The following ABHD1 variants were observed in gnomAD, a reference collection of about 807,000 sequenced individuals.
ABHD1 encodes the protein abhydrolase domain containing 1, also known as protein ABHD1.
In ABHD1, 47 loss-of-function variants were observed where a neutral mutation model predicts 41.4. That is an observed-to-expected ratio of 1.13 (90% CI 0.90 to 1.45). The LOEUF is 1.45. Ranked by LOEUF, ABHD1 falls within the 40% of genes most tolerant of loss-of-function variation. ABHD1 has a pLI of 0.00. For missense variants in ABHD1, 550 were observed against 503.4 expected (o/e 1.09, Z -0.89); for synonymous variants, 205 against 203.7 (o/e 1.01, Z -0.05).
At chr2:27,127,470 C>A (rs1672010971) in intron 1 of ABHD1, among the ~76,000 whole-genome samples, 1 of 129,400 alleles carries the variant, frequency 7.7e-6, no homozygotes, top group African/African-American at 3.0e-5. Flanking sequence ...AGGAGAATGG[C>A]GTGAACCCGG....
intron 1 of ABHD1, 65 bp downstream of exon 1, chr2:27,124,127 C>A: frequency 6.9e-7 from 1 of 1,448,340 alleles, no homozygotes; most frequent in East Asian, 2.3e-5. Context: ...CAGACACGGG[C>A]TTGGGCCCTT....
rs1671852884 is a variant in ABHD1 at position 27,124,071 on chromosome 2, G to C, written c.114+9G>C. The C allele has an allele frequency of 6.2e-7, 1 of 1,612,656 alleles. No individual in the cohort carries two copies. Among genetic ancestry groups the C allele is most frequent in the Non-Finnish European group, 8.5e-7 (1 of 1,178,642 alleles). On this transcript the variant is annotated intron_variant, in intron 1 of 8. Transcript: ENST00000316470. Reference sequence around the variant, plus strand: ...GGGCATGTGTGCTTCAGGTGGGTGCGGGTCCACCGCTCTGGCCAGCGGGTT... The same window carrying C: ...GGGCATGTGTGCTTCAGGTGGGTGCCGGTCCACCGCTCTGGCCAGCGGGTT...
chr2:27,128,292 T>A, intron 1 of ABHD1, 149 bp from the exon 2 acceptor site: 1 of 926,826 alleles, frequency 1.1e-6, no homozygotes, highest in Non-Finnish European at 1.7e-6. Context: ...GCCATTCAAC[T>A]GAGCTGTGCT....
rs1672207172 is a variant in ABHD1 at position 27,130,653 on chromosome 2, T to A, written c.1127T>A (p.Leu376His). Reference sequence around the variant, plus strand: ...TGGCAGCACTGGTACATGAGCCGCCTCTTGCATCAGTACGCCAAAGCCATC... The same window carrying A: ...TGGCAGCACTGGTACATGAGCCGCCACTTGCATCAGTACGCCAAAGCCATC... ...LPWQHWYMSR[L>H]LHQYAKAIFQ... The change falls in exon 9 of 9, where the codon CTC becomes CAC. Residue 376 changes from leucine (L) to histidine (H), a missense_variant. Transcript: ENST00000316470. The A allele has an allele frequency of 1.2e-6, 2 of 1,614,206 alleles. No homozygotes were observed. The highest frequency in any genetic ancestry group is 2.7e-5 in the African/African-American group (2 of 75,048).
At chr2:27,130,223 T>G in intron 7 of ABHD1, 28 bp from the exon 8 acceptor site, 1 of 1,614,210 alleles carries the variant, frequency 6.2e-7, no homozygotes. Context: ...CTTTATCATC[T>G]TAGCCTATCC....
intron 6 of ABHD1, 34 bp downstream of exon 6, chr2:27,129,961 C>CA (rs770976721): frequency 5.0e-6 from 8 of 1,613,048 alleles, no homozygotes; most frequent in African/African-American, 4.0e-5. Flanking sequence ...AGGCAGTAGA[C>CA]AGAGTAGGAT....
At chr2:27,130,010 T>C (rs1020995804) in intron 6 of ABHD1, 83 bp downstream of exon 6, 8 of 1,610,248 alleles carry the variant, frequency 5.0e-6, no homozygotes, top group African/African-American at 1.3e-5. Context: ...TGGTCAGTTC[T>C]CTCTGGGCTT....
rs917652045 is a variant in ABHD1 at position 27,130,289 on chromosome 2, T to C, written c.879T>C (p.Ser293=). ...GCCAGTTTGATGAGCGCTACACATCTGTGGCCTTTGGATATCAAGACTGTG... is the reference window on the plus strand; with the variant it reads ...GCCAGTTTGATGAGCGCTACACATCCGTGGCCTTTGGATATCAAGACTGTG... The part of the protein sequence containing the change: ...TIRQFDERYT[S]VAFGYQDCVT... The change falls in exon 8 of 9, where the codon TCT becomes TCC. Residue 293 remains serine (S), a synonymous_variant. Coordinates refer to ENST00000316470, the MANE Select transcript of ABHD1 (RefSeq NM_032604.4). The C allele has an allele frequency of 1.9e-6, 3 of 1,614,168 alleles. No individual in the cohort carries two copies. The highest frequency in any genetic ancestry group is 1.7e-6 in the Non-Finnish European group (2 of 1,180,022).
At chr2:27,130,488 G>A in intron 8 of ABHD1, 45 bp from the exon 9 acceptor site, 3 of 1,611,518 alleles carry the variant, frequency 1.9e-6, no homozygotes, top group Non-Finnish European at 1.7e-6. Flanking sequence ...GACAGCCTGG[G>A]CTCCCAGTGA....
rs746002110 is a variant in ABHD1, at chr2:27,124,127, C to T, written c.114+65C>T. On this transcript the variant is annotated intron_variant, in intron 1 of 8. Transcript: ENST00000316470. ...GTAGGGGGCAGCTTCCAGACACGGGCTTGGGCCCTTGGTGGGAACTGGGAT... is the reference window on the plus strand; with the variant it reads ...GTAGGGGGCAGCTTCCAGACACGGGTTTGGGCCCTTGGTGGGAACTGGGAT... The T allele has an allele frequency of 5.5e-6, 8 of 1,448,228 alleles. No homozygotes were observed. The East Asian group carries it at 1.6e-4, about 29-fold the overall frequency. 89.7% of individuals were successfully genotyped at this position (1,448,228 alleles called of 1,614,324 possible).
intron 3 of ABHD1, 56 bp from the exon 4 acceptor site, chr2:27,129,260 G>GA: frequency 6.2e-7 from 1 of 1,610,162 alleles, no homozygotes; most frequent in Non-Finnish European, 8.5e-7. Flanking sequence ...TCTGAATACT[G>GA]AAAGGGGAGA....
At position 27,123,976 on chromosome 2, in the gene ABHD1, A is replaced by G. The variant is rs199784100; in HGVS notation, c.28A>G (p.Asn10Asp). 54 of 1,614,220 alleles carry G rather than the reference A, an allele frequency of 3.3e-5. No homozygotes were observed. The Admixed American group carries it at 8.3e-4, about 25-fold the overall frequency. Residue 10 changes from asparagine (N) to aspartate (D), a missense_variant, in exon 1 of 9, where the codon AAT becomes GAT. Coordinates refer to ENST00000316470, the MANE Select transcript of ABHD1 (RefSeq NM_032604.4). ...GCTGAGCTCCTTCCTGAGCCCCCAG[A>G]ATGGCACCTGGGCAGACACCTTCTC... MLSSFLSPQNGTWADTFSLL... is the reference protein window; with the variant it reads MLSSFLSPQDGTWADTFSLL...
intron 2 of ABHD1, among the ~76,000 whole-genome samples, 164 bp downstream of exon 2, chr2:27,128,765 A>G (rs1045070935): frequency 1.3e-5 from 2 of 152,216 alleles, no homozygotes; most frequent in African/African-American, 4.8e-5. Flanking sequence ...CACGGCCACC[A>G]GGTCATCTTT....
chr2:27,125,622 G>A (rs557836168), intron 1 of ABHD1: 1 of 152,272 alleles, frequency 6.6e-6, no homozygotes, highest in Admixed American at 6.5e-5. Context: ...TAACTCAGCC[G>A]AGCACAGTGG....
chr2:27,130,154 GTATAA>G lies in ABHD1; in HGVS notation c.840+5_840+9del. Reference sequence around the variant, plus strand: ...GGTGGACATAGACTTTGTACTACAGGTATAATATTCAGCCATGCCCCTGGTTCCCC... The same window carrying G: ...GGTGGACATAGACTTTGTACTACAGGTATTCAGCCATGCCCCTGGTTCCCC... On this transcript the variant is annotated splice_donor_variant and splice_donor_5th_base_variant and intron_variant, in intron 7 of 8. Coordinates refer to ENST00000316470, the MANE Select transcript of ABHD1 (RefSeq NM_032604.4). LOFTEE classifies it high-confidence loss of function. 1.9e-6 allele frequency: 3 copies of G among 1,614,134 alleles called. No homozygotes were observed. Among genetic ancestry groups the G allele is most frequent in the Non-Finnish European group, 2.5e-6 (3 of 1,180,030 alleles).
Position 27,129,319 on chromosome 2 carries a change from TGTCG to T in ABHD1, c.463_466del (p.Val155CysfsTer26). The stretch of plus-strand genomic sequence containing the variant: ...GATGTACCTGTGTGTGCCACAGGGC[TGTCG>T]TGTTTAACAACCGGGGCTGCCGTGG... On this transcript the variant is annotated frameshift_variant, in exon 4 of 9. Coordinates refer to ENST00000316470, the MANE Select transcript of ABHD1 (RefSeq NM_032604.4). LOFTEE classifies it high-confidence loss of function. 1 of 1,614,198 alleles carries T rather than the reference TGTCG, an allele frequency of 6.2e-7. No homozygotes were observed. Among genetic ancestry groups the T allele is most frequent in the Non-Finnish European group, 8.5e-7 (1 of 1,180,024 alleles).
intron 8 of ABHD1, 43 bp downstream of exon 8, chr2:27,130,459 G>A (rs1475877905): frequency 4.3e-6 from 7 of 1,612,704 alleles, no homozygotes; most frequent in Non-Finnish European, 5.1e-6. Context: ...AAGGAAAATG[G>A]GCCATGAGGG....
chr2:27,130,769 T>C lies in ABHD1; in HGVS notation c.*25T>C. The stretch of plus-strand genomic sequence containing the variant: ...ACAAGAGTACCATTTGGGGTCTCAG[T>C]TCACTCTTTCCTTGTTTATTAAATA... On this transcript the variant is annotated 3_prime_UTR_variant, in exon 9 of 9. Coordinates refer to ENST00000316470, the MANE Select transcript of ABHD1 (RefSeq NM_032604.4). 6.2e-7 allele frequency: 1 copy of C among 1,604,974 alleles called. No individual in the cohort carries two copies.
At position 27,123,935 on chromosome 2, in the gene ABHD1, G is replaced by A. The variant is rs1213581074; in HGVS notation, c.-14G>A. The A allele has an allele frequency of 6.2e-6, 10 of 1,611,146 alleles. No individual in the cohort carries two copies. Among genetic ancestry groups the A allele is most frequent in the Non-Finnish European group, 8.5e-6 (10 of 1,177,396 alleles). On this transcript the variant is annotated 5_prime_UTR_variant, in exon 1 of 9. Coordinates refer to ENST00000316470, the MANE Select transcript of ABHD1 (RefSeq NM_032604.4). Reference sequence around the variant, plus strand: ...CCAGCCAGGAGCCTGAGGGTCGGAAGCCCCCAACACAAGATGCTGAGCTCC... The same window carrying A: ...CCAGCCAGGAGCCTGAGGGTCGGAAACCCCCAACACAAGATGCTGAGCTCC...
Sources: gnomAD v4.1 joint callset for allele counts (sites outside exome capture counted in the v4.1 genomes callset) on GRCh38, gnomAD v4.1.1 for gene constraint, MANE v1.5 for transcripts, NCBI Gene and HGNC (gene_info 2026-07-23, HGNC 2026-07-21) for gene names.